MARCHF1: variants seen among roughly 807,000 people sequenced by gnomAD.
The protein encoded by MARCHF1 is E3 ubiquitin-protein ligase MARCHF1.
MARCHF1 carries 40 observed loss-of-function variants against 54.2 expected under a neutral mutation model. The ratio of observed to expected loss-of-function variants is 0.74; its 90% CI spans 0.57 to 0.96. The LOEUF (loss-of-function observed/expected upper bound fraction) is 0.96. Ranked by LOEUF, MARCHF1 falls within the 40% of genes least tolerant of loss-of-function variation. The pLI, the probability that MARCHF1 is intolerant of heterozygous loss-of-function variation, is 0.00. For missense variants in MARCHF1, 586 were observed against 656.5 expected (o/e 0.89, Z 1.17); for synonymous variants, 236 against 236.3 (o/e 1.00, Z 0.01).
At chr4:163,961,434 G>C (rs1051701402) in intron 3 of MARCHF1, among the ~76,000 whole-genome samples, 2 of 151,990 alleles carry the variant, frequency 1.3e-5, no homozygotes, top group Non-Finnish European at 2.9e-5. Context: ...CTATTAATCT[G>C]TGGAAGTGGC....
intron 1 of MARCHF1, among the ~76,000 whole-genome samples, chr4:164,252,857 G>A (rs979077984): frequency 2.0e-5 from 3 of 152,032 alleles, no homozygotes; most frequent in African/African-American, 4.8e-5. Context: ...ATATAGATTC[G>A]GAAGTTCTAA....
At chr4:163,594,753 AACACAAAC>A (rs57364941) in intron 7 of MARCHF1, among the ~76,000 whole-genome samples, 63,766 of 141,818 alleles carry the variant, frequency 0.45, 13,463 homozygotes, top group East Asian at 0.52. Flanking sequence ...CTATTATCAA[AACACAAAC>A]ACACACACAC....
rs540089979 is a variant in MARCHF1 at position 163,628,780 on chromosome 4, T to A, written c.163-15387A>T. 4.8e-3 allele frequency among the ~76,000 whole-genome samples: 733 copies of A among 152,260 alleles called. 10 individuals are homozygous for A. Among genetic ancestry groups the A allele is most frequent in the African/African-American group, 0.017 (702 of 41,526 alleles). ...CAGACAAACAGAGAGAGCCAAATCA[T>A]GAGTGAACTCCCATTCACAATTGCT... On this transcript the variant is annotated intron_variant, in intron 5 of 9. Transcript: ENST00000514618.
At chr4:163,722,231 C>A (rs1023445721) in intron 4 of MARCHF1, among the ~76,000 whole-genome samples, 1 of 151,938 alleles carries the variant, frequency 6.6e-6, no homozygotes, top group Non-Finnish European at 1.5e-5. Context: ...TATGCTGTGT[C>A]TTTGTTCTCA....
intron 1 of MARCHF1, chr4:164,190,001 T>TG: frequency 6.8e-7 from 1 of 1,460,076 alleles, no homozygotes; most frequent in East Asian, 2.3e-5. Context: ...GGATGGTTAA[T>TG]GATGCTGAGA....
At chr4:164,380,846 T>C (rs1731345067) in intron 1 of MARCHF1, among the ~76,000 whole-genome samples, 1 of 152,182 alleles carries the variant, frequency 6.6e-6, no homozygotes, top group Admixed American at 6.5e-5. Flanking sequence ...AAAGCTACAA[T>C]GTTTTGTGAT....
chr4:163,536,089 A>C (rs1246560704), intron 9 of MARCHF1, among the ~76,000 whole-genome samples: 1 of 152,160 alleles, frequency 6.6e-6, no homozygotes, highest in Non-Finnish European at 1.5e-5. Flanking sequence ...TTATTGGGAA[A>C]TTTGCAGAAA....
chr4:163,874,407 CAA>C (rs2111226787), intron 3 of MARCHF1, among the ~76,000 whole-genome samples: 1 of 152,178 alleles, frequency 6.6e-6, no homozygotes, highest in East Asian at 1.9e-4. Flanking sequence ...CTGTAAGACC[CAA>C]AGAGGCAGGA....
intron 4 of MARCHF1, among the ~76,000 whole-genome samples, chr4:163,800,235 C>T (rs1457681595): frequency 6.6e-6 from 1 of 151,870 alleles, no homozygotes; most frequent in Non-Finnish European, 1.5e-5. Context: ...CACAATATAG[C>T]CAAACCTATA....
intron 4 of MARCHF1, among the ~76,000 whole-genome samples, chr4:163,743,447 C>T (rs576225073): frequency 1.3e-5 from 2 of 152,096 alleles, no homozygotes; most frequent in Non-Finnish European, 2.9e-5. Flanking sequence ...TAACGTTGAG[C>T]GTTTTACCAC....
chr4:164,085,717 T>C (rs533264445), intron 2 of MARCHF1, among the ~76,000 whole-genome samples: 1 of 151,898 alleles, frequency 6.6e-6, no homozygotes, highest in South Asian at 2.1e-4. Context: ...TAAAGAGAAG[T>C]CTCAAGGGCA....
chr4:163,696,635 A>G (rs1202065004), intron 5 of MARCHF1, among the ~76,000 whole-genome samples: 1 of 152,180 alleles, frequency 6.6e-6, no homozygotes, highest in African/African-American at 2.4e-5. Context: ...TTAAAGTTCC[A>G]TCTCAAAAAC....
intron 3 of MARCHF1, among the ~76,000 whole-genome samples, chr4:163,901,704 A>G (rs1167526570): frequency 1.3e-5 from 2 of 152,216 alleles, no homozygotes; most frequent in Non-Finnish European, 2.9e-5. Context: ...TCTTCCCAGT[A>G]GAGCAATTGT....
At chr4:164,285,643 C>G (rs1002337388) in intron 1 of MARCHF1, among the ~76,000 whole-genome samples, 1 of 151,298 alleles carries the variant, frequency 6.6e-6, no homozygotes, top group African/African-American at 2.4e-5. Context: ...GGGGTTTCAC[C>G]GTGTTAGCCA....
intron 3 of MARCHF1, among the ~76,000 whole-genome samples, chr4:163,968,856 A>C (rs1752494262): frequency 1.3e-5 from 2 of 152,168 alleles, no homozygotes; most frequent in South Asian, 2.1e-4. Context: ...CTGGCTCAGA[A>C]ATTGTTTATC....
intron 2 of MARCHF1, among the ~76,000 whole-genome samples, chr4:164,000,770 C>G: frequency 6.6e-6 from 1 of 151,564 alleles, no homozygotes; most frequent in South Asian, 2.1e-4. Flanking sequence ...GAATATTTTA[C>G]ATAATTTTAA....
chr4:163,905,918 C>T (rs1751056276), intron 3 of MARCHF1, among the ~76,000 whole-genome samples: 1 of 152,010 alleles, frequency 6.6e-6, no homozygotes, highest in South Asian at 2.1e-4. Context: ...TTTATTGGAT[C>T]TTCTAAGTCA....
chr4:164,335,375 G>A (rs1376888389), intron 1 of MARCHF1, among the ~76,000 whole-genome samples: 1 of 152,254 alleles, frequency 6.6e-6, no homozygotes, highest in East Asian at 1.9e-4. Flanking sequence ...GAGGTCCAGA[G>A]ATCAAGACCG....
chr4:163,865,197 G>T (rs915073116), intron 3 of MARCHF1, among the ~76,000 whole-genome samples: 1 of 151,882 alleles, frequency 6.6e-6, no homozygotes, highest in Non-Finnish European at 1.5e-5. Context: ...GAGTGTATAA[G>T]AAGGGTAAAG....
Sources: allele counts gnomAD v4.1 joint callset (sites outside exome capture counted in the v4.1 genomes callset), GRCh38; gene constraint gnomAD v4.1.1; transcripts MANE v1.5; gene names NCBI Gene and HGNC (gene_info 2026-07-23, HGNC 2026-07-21).